NKAIN2: variants seen among roughly 807,000 people sequenced by gnomAD.
NKAIN2 encodes the protein sodium/potassium-transporting ATPase subunit beta-1-interacting protein 2.
In NKAIN2, 14 loss-of-function variants were observed where a neutral mutation model predicts 32.6. That is an observed-to-expected ratio of 0.43 (90% CI 0.28 to 0.67). NKAIN2 has a LOEUF of 0.67. Among genes scored for constraint, NKAIN2 ranks in the 30% least tolerant of loss-of-function variants. The pLI, the probability that NKAIN2 is intolerant of heterozygous loss-of-function variation, is 0.17. For missense variants in NKAIN2, 198 were observed against 258.3 expected (o/e 0.77, Z 1.60); for synonymous variants, 80 against 87.2 (o/e 0.92, Z 0.46).
intron 2 of NKAIN2, among the ~76,000 whole-genome samples, chr6:124,352,226 C>T (rs1798767372): frequency 4.6e-5 from 7 of 152,110 alleles, no homozygotes; most frequent in Admixed American, 4.6e-4. Flanking sequence ...CTTTCATATG[C>T]TTTCATAAAA....
chr6:124,496,609 A>T (rs1238494188), intron 3 of NKAIN2, among the ~76,000 whole-genome samples: 3 of 152,106 alleles, frequency 2.0e-5, no homozygotes, highest in African/African-American at 7.2e-5. Context: ...CCACAGTATG[A>T]TAACTTCATA....
chr6:123,970,369 T>C (rs569496716), intron 1 of NKAIN2, among the ~76,000 whole-genome samples: 4 of 152,124 alleles, frequency 2.6e-5, no homozygotes, highest in Non-Finnish European at 5.9e-5. Context: ...GAAAATAAAT[T>C]TAAAGGAGCA....
At chr6:124,469,059 T>C (rs1776872405) in intron 3 of NKAIN2, among the ~76,000 whole-genome samples, 1 of 152,182 alleles carries the variant, frequency 6.6e-6, no homozygotes, top group South Asian at 2.1e-4. Context: ...CAGAGACCCA[T>C]ATTCCCAGAG....
intron 1 of NKAIN2, among the ~76,000 whole-genome samples, chr6:124,211,334 G>A (rs1177422265): frequency 1.3e-5 from 2 of 151,764 alleles, no homozygotes; most frequent in South Asian, 2.1e-4. Flanking sequence ...GTATTCAGAA[G>A]GTGTTACATA....
chr6:124,032,834 G>A (rs186895227), intron 1 of NKAIN2, among the ~76,000 whole-genome samples: 65 of 151,936 alleles, frequency 4.3e-4, no homozygotes, highest in African/African-American at 1.4e-3. Flanking sequence ...TGCCATGGTT[G>A]CAAACCAATG....
intron 1 of NKAIN2, among the ~76,000 whole-genome samples, chr6:124,197,448 C>G (rs1015215543): frequency 6.6e-6 from 1 of 152,044 alleles, no homozygotes; most frequent in Admixed American, 6.6e-5. Flanking sequence ...CTACAACTTT[C>G]CAATGAATTC....
chr6:124,084,386 A>G (rs1159729477), intron 1 of NKAIN2, among the ~76,000 whole-genome samples: 1 of 151,914 alleles, frequency 6.6e-6, no homozygotes, highest in Non-Finnish European at 1.5e-5. Flanking sequence ...ACAGGTTTGT[A>G]GCTTAGGAGC....
chr6:124,487,603 T>C (rs1057149118), intron 3 of NKAIN2, among the ~76,000 whole-genome samples: 1 of 152,142 alleles, frequency 6.6e-6, no homozygotes, highest in African/African-American at 2.4e-5. Context: ...CTGTAATTGT[T>C]AGTAACTTTT....
At chr6:124,351,288 G>A (rs1798713798) in intron 2 of NKAIN2, among the ~76,000 whole-genome samples, 1 of 151,922 alleles carries the variant, frequency 6.6e-6, no homozygotes, top group South Asian at 2.1e-4. Context: ...GCTGAGGCAG[G>A]CAGATAGCTT....
At chr6:124,253,968 C>T (rs1793805923) in intron 1 of NKAIN2, among the ~76,000 whole-genome samples, 1 of 151,966 alleles carries the variant, frequency 6.6e-6, no homozygotes. Context: ...CAGGCATGCA[C>T]CACCATGCCT....
At chr6:124,100,737 G>A (rs551698270) in intron 1 of NKAIN2, among the ~76,000 whole-genome samples, 8 of 152,228 alleles carry the variant, frequency 5.3e-5, no homozygotes, top group South Asian at 2.1e-4. Context: ...TATCAAACTC[G>A]GATGCAGGCT....
At chr6:124,350,757 C>A (rs761953536) in intron 2 of NKAIN2, among the ~76,000 whole-genome samples, 10 of 152,216 alleles carry the variant, frequency 6.6e-5, no homozygotes, top group Non-Finnish European at 8.8e-5. Context: ...ACATATCCTT[C>A]TGAATTACTC....
At chr6:124,089,250 G>T (rs2207918) in intron 1 of NKAIN2, among the ~76,000 whole-genome samples, 1 of 151,466 alleles carries the variant, frequency 6.6e-6, no homozygotes, top group Non-Finnish European at 1.5e-5. Flanking sequence ...CATTTAATTT[G>T]AACAAGCCAT....
chr6:124,448,733 TG>T (rs764831598), intron 3 of NKAIN2, among the ~76,000 whole-genome samples: 8 of 152,184 alleles, frequency 5.3e-5, no homozygotes, highest in Non-Finnish European at 1.0e-4. Flanking sequence ...ACATGAATTC[TG>T]GGAACAGGAA....
chr6:124,727,414 A>C (rs1346231901), intron 4 of NKAIN2, among the ~76,000 whole-genome samples: 1 of 151,498 alleles, frequency 6.6e-6, no homozygotes, highest in East Asian at 2.0e-4. Context: ...AACATTCTTA[A>C]AGAAAAGAAT....
chr6:124,801,320 C>T (rs571880926), intron 5 of NKAIN2, among the ~76,000 whole-genome samples: 1 of 152,244 alleles, frequency 6.6e-6, no homozygotes, highest in East Asian at 1.9e-4. Context: ...CATATGTGAA[C>T]TAATCCCAGA....
At chr6:124,360,456 C>G (rs1369841115) in intron 3 of NKAIN2, among the ~76,000 whole-genome samples, 1 of 152,068 alleles carries the variant, frequency 6.6e-6, no homozygotes, top group East Asian at 1.9e-4. Context: ...ATATGATACA[C>G]AGGACTAACC....
chr6:124,532,512 G>A (rs1313545867), intron 3 of NKAIN2, among the ~76,000 whole-genome samples: 2 of 152,094 alleles, frequency 1.3e-5, no homozygotes, highest in Non-Finnish European at 2.9e-5. Context: ...GTACCATCCA[G>A]TCTACTCTTA....
intron 4 of NKAIN2, among the ~76,000 whole-genome samples, chr6:124,669,591 C>G (rs1407055749): frequency 6.6e-6 from 1 of 152,014 alleles, no homozygotes. Context: ...GTAGGGAACT[C>G]TACTCAGGCC....
Sources: allele counts gnomAD v4.1 joint callset (sites outside exome capture counted in the v4.1 genomes callset), GRCh38; gene constraint gnomAD v4.1.1; transcripts MANE v1.5; gene names NCBI Gene and HGNC (gene_info 2026-07-23, HGNC 2026-07-21).